The following PRUNE2 variants were observed in gnomAD, a reference collection of about 807,000 sequenced individuals.
PRUNE2 encodes protein prune homolog 2.
In PRUNE2, 164 loss-of-function variants were observed where a neutral mutation model predicts 252.0. The ratio of observed to expected loss-of-function variants is 0.65; its 90% confidence interval spans 0.57 to 0.74. PRUNE2 has a LOEUF of 0.74. Ranked by LOEUF, PRUNE2 falls within the 30% of genes least tolerant of loss-of-function variation. PRUNE2 has a pLI of 0.00. For synonymous variants in PRUNE2, 1,292 were observed against 1,350.2 expected (o/e 0.96, Z 0.94); for missense variants, 3,495 against 3,711.0 (o/e 0.94, Z 1.51).
intron 1 of PRUNE2, among the ~76,000 whole-genome samples, chr9:76,858,528 T>C (rs569041492): frequency 2.1e-4 from 32 of 152,258 alleles, no homozygotes; most frequent in African/African-American, 7.5e-4. Context: ...AGACACTGCA[T>C]GTTCTCACTC....
intron 9 of PRUNE2, among the ~76,000 whole-genome samples, chr9:76,659,249 C>T (rs1390190405): frequency 6.6e-6 from 1 of 152,222 alleles, no homozygotes; most frequent in African/African-American, 2.4e-5. Context: ...TTTATTGTTT[C>T]AAAGGGAATA....
intron 6 of PRUNE2, among the ~76,000 whole-genome samples, chr9:76,814,548 T>A (rs1254183660): frequency 6.6e-6 from 1 of 151,982 alleles, no homozygotes; most frequent in East Asian, 1.9e-4. Flanking sequence ...AGCCTCTAGG[T>A]TTTGGGGGTG....
At chr9:76,637,604 T>C in intron 13 of PRUNE2, 55 bp from the exon 14 acceptor site, 1 of 1,510,378 alleles carries the variant, frequency 6.6e-7, no homozygotes, top group Non-Finnish European at 9.1e-7. Context: ...ATTGACACCA[T>C]AATTACATAA....
Position 76,826,577 on chromosome 9 carries a change from C to A in PRUNE2, c.661+3G>T. 6.4e-7 allele frequency: 1 copy of A among 1,574,326 alleles called. No homozygotes were observed. Reference sequence around the variant, plus strand: ...CAAGAGAGCTGGGGACAGAGTCACTCACCCTGAGCACTGAACTGGGTCTCC... The same window carrying A: ...CAAGAGAGCTGGGGACAGAGTCACTAACCCTGAGCACTGAACTGGGTCTCC... On this transcript the variant is annotated splice_donor_region_variant and intron_variant, in intron 5 of 18. Coordinates refer to ENST00000376718, the MANE Select transcript of PRUNE2 (RefSeq NM_015225.3).
At chr9:76,788,028 T>C (rs996916016) in intron 6 of PRUNE2, among the ~76,000 whole-genome samples, 3 of 152,228 alleles carry the variant, frequency 2.0e-5, no homozygotes, top group Admixed American at 6.5e-5. Flanking sequence ...TTCTCCATCC[T>C]TTAAGATTCG....
chr9:76,799,388 G>A (rs1433900766), intron 6 of PRUNE2, among the ~76,000 whole-genome samples: 1 of 150,934 alleles, frequency 6.6e-6, no homozygotes, highest in African/African-American at 2.4e-5. Flanking sequence ...AGTGTACCAT[G>A]TGCAATCCAT....
intron 9 of PRUNE2, chr9:76,693,161 GGCAT>G (rs2134499430): frequency 6.6e-6 from 1 of 152,180 alleles, no homozygotes; most frequent in African/African-American, 2.4e-5. Flanking sequence ...AAAATAGAAA[GGCAT>G]GTGTTTATTT....
At chr9:76,901,953 C>G (rs1186750180) in intron 1 of PRUNE2, among the ~76,000 whole-genome samples, 3 of 152,176 alleles carry the variant, frequency 2.0e-5, no homozygotes, top group African/African-American at 7.2e-5. Flanking sequence ...CCCCGCCACC[C>G]AAGGCTGGCT....
chr9:76,622,266 T>A (rs7870516), intron 17 of PRUNE2, among the ~76,000 whole-genome samples: 19,036 of 151,946 alleles, frequency 0.13, 1,469 homozygotes, highest in African/African-American at 0.21. Context: ...TTTAGACACA[T>A]TGGGAGAGGG....
chr9:76,854,425 G>A (rs1355792519), intron 1 of PRUNE2, among the ~76,000 whole-genome samples: 1 of 152,174 alleles, frequency 6.6e-6, no homozygotes, highest in Non-Finnish European at 1.5e-5. Context: ...TTCTGGAAGA[G>A]AAAATGTGGT....
intron 9 of PRUNE2, among the ~76,000 whole-genome samples, chr9:76,673,899 A>G (rs367551528): frequency 3.3e-5 from 5 of 150,590 alleles, no homozygotes; most frequent in African/African-American, 4.9e-5. Flanking sequence ...TTGATGGGAC[A>G]TATTTCAAAA....
chr9:76,719,088 G>T (rs779474084), intron 6 of PRUNE2, among the ~76,000 whole-genome samples: 3 of 152,124 alleles, frequency 2.0e-5, no homozygotes, highest in Non-Finnish European at 4.4e-5. Flanking sequence ...CAGTAATGTA[G>T]TCTCCACATA....
At chr9:76,875,701 T>G (rs2061439236) in intron 1 of PRUNE2, among the ~76,000 whole-genome samples, 1 of 152,152 alleles carries the variant, frequency 6.6e-6, no homozygotes, top group South Asian at 2.1e-4. Flanking sequence ...GTCCAAAGTC[T>G]CAAGATGTTC....
Position 76,700,909 on chromosome 9 carries a change from A to C in PRUNE2, c.8276+2428T>G, listed in dbSNP as rs530568530. On this transcript the variant is annotated intron_variant, in intron 9 of 18. Transcript: ENST00000376718. ...CTTAACACCTGGTCCAACAGCAAAT[A>C]GCCTGTAGTTAGTACCCATTTTATA... is the stretch of plus-strand genomic sequence containing the variant. Among the ~76,000 whole-genome samples, 3 of 152,370 alleles carry C rather than the reference A, an allele frequency of 2.0e-5. No homozygotes were observed. The South Asian group carries it at 6.2e-4, about 32-fold the overall frequency.
chr9:76,816,845 C>A (rs572072513), intron 6 of PRUNE2, among the ~76,000 whole-genome samples: 1 of 152,262 alleles, frequency 6.6e-6, no homozygotes, highest in African/African-American at 2.4e-5. Flanking sequence ...TCCTTGAATT[C>A]TAGAGACAGT....
chr9:76,845,433 C>G (rs1202444828), intron 4 of PRUNE2, among the ~76,000 whole-genome samples: 3 of 152,210 alleles, frequency 2.0e-5, no homozygotes, highest in Non-Finnish European at 4.4e-5. Flanking sequence ...TCCTTCTGCT[C>G]TGTCACAAAG....
intron 1 of PRUNE2, among the ~76,000 whole-genome samples, chr9:76,861,512 T>C (rs1388024815): frequency 6.6e-6 from 1 of 152,214 alleles, no homozygotes; most frequent in Non-Finnish European, 1.5e-5. Context: ...AAGAGGCCAT[T>C]GTGGGTAGGC....
In PRUNE2 at chr9:76,652,567, A is replaced by C; in HGVS notation, c.8473T>G (p.Leu2825Val). 6.2e-7 allele frequency: 1 copy of C among 1,613,260 alleles called. No homozygotes were observed. The highest frequency in any genetic ancestry group is 8.5e-7 in the Non-Finnish European group (1 of 1,179,254). ...ATGTCAATTTCATCTGGACTGTCCAAGTTATCATCAGAGAGAATAGATCCT... is the reference window on the plus strand; with the variant it reads ...ATGTCAATTTCATCTGGACTGTCCACGTTATCATCAGAGAGAATAGATCCT... ...SEGSILSDDN[L>V]DSPDEIDINV... is the part of the protein sequence containing the mutation. The change falls in exon 11 of 19, where the codon TTG (leucine) becomes GTG (valine). Residue 2825 changes from leucine to valine, a missense_variant. Coordinates refer to ENST00000376718, the MANE Select transcript of PRUNE2 (RefSeq NM_015225.3).
intron 9 of PRUNE2, among the ~76,000 whole-genome samples, chr9:76,664,251 A>G (rs548623227): frequency 3.3e-5 from 5 of 152,292 alleles, no homozygotes; most frequent in South Asian, 2.1e-4. Flanking sequence ...TGTTGTAAGG[A>G]CAGTCAAGCA....
Sources: gnomAD v4.1 joint callset for allele counts (sites outside exome capture counted in the v4.1 genomes callset) on GRCh38, gnomAD v4.1.1 for gene constraint, MANE v1.5 for transcripts, NCBI Gene and HGNC (gene_info 2026-07-23, HGNC 2026-07-21) for gene names.